INSR: variants seen among roughly 807,000 people sequenced by gnomAD.
The protein encoded by INSR is IR.
In INSR, 67 loss-of-function variants were observed where a neutral mutation model predicts 142.6. That is an observed-to-expected ratio of 0.47 (90% CI 0.39 to 0.58). The LOEUF (loss-of-function observed/expected upper bound fraction) is 0.58. Among genes scored for constraint, INSR ranks in the 20% least tolerant of loss-of-function variants. The pLI is 0.00. For missense variants in INSR, 1,248 were observed against 1,833.2 expected (o/e 0.68, Z 5.83); for synonymous variants, 756 against 743.1 (o/e 1.02, Z -0.28).
intron 2 of INSR, among the ~76,000 whole-genome samples, chr19:7,185,528 G>C (rs1333861900): frequency 6.6e-6 from 1 of 152,096 alleles, no homozygotes; most frequent in Non-Finnish European, 1.5e-5. Context: ...GTCTAATGGA[G>C]GAGACATGTT....
chr19:7,268,212 G>A (rs1478146614), intron 1 of INSR, among the ~76,000 whole-genome samples: 1 of 152,142 alleles, frequency 6.6e-6, no homozygotes, highest in East Asian at 1.9e-4. Context: ...GGCAGGTGCA[G>A]AAGGAGAAAG....
At chr19:7,202,998 T>G (rs201560853) in intron 2 of INSR, among the ~76,000 whole-genome samples, 17 of 45,966 alleles carry the variant, frequency 3.7e-4, no homozygotes, top group East Asian at 6.5e-4. Flanking sequence ...GTTTTGTTGT[T>G]TTTTTTTTTT....
intron 3 of INSR, 35 bp downstream of exon 3, chr19:7,184,281 C>T: frequency 6.3e-7 from 1 of 1,597,392 alleles, no homozygotes; most frequent in Non-Finnish European, 8.6e-7. Flanking sequence ...TCCTTCTCCT[C>T]TCGGCTGCCC....
intron 9 of INSR, among the ~76,000 whole-genome samples, chr19:7,156,926 G>A (rs553818521): frequency 6.6e-6 from 1 of 150,924 alleles, no homozygotes; most frequent in African/African-American, 2.4e-5. Flanking sequence ...CCCGTAACTG[G>A]GATTACAGGC....
chr19:7,195,422 C>T (rs1393002319), intron 2 of INSR, among the ~76,000 whole-genome samples: 1 of 152,034 alleles, frequency 6.6e-6, no homozygotes, highest in Non-Finnish European at 1.5e-5. Context: ...GCAGGAAGAT[C>T]ACTGGAGATC....
chr19:7,178,133 T>C (rs748572448), intron 3 of INSR, among the ~76,000 whole-genome samples: 3 of 151,466 alleles, frequency 2.0e-5, no homozygotes, highest in Admixed American at 6.6e-5. Flanking sequence ...TCATAAAGTA[T>C]GTATCTGGTC....
chr19:7,253,164 T>G (rs1188056299), intron 2 of INSR, among the ~76,000 whole-genome samples: 2 of 151,560 alleles, frequency 1.3e-5, no homozygotes, highest in Non-Finnish European at 2.9e-5. Context: ...ACCCTCTAGG[T>G]AGGTACTTGA....
intron 2 of INSR, among the ~76,000 whole-genome samples, chr19:7,257,422 G>C (rs554723339): frequency 6.7e-6 from 1 of 149,656 alleles, no homozygotes; most frequent in Non-Finnish European, 1.5e-5. Flanking sequence ...GCACGGGTTC[G>C]ATGACTCACT....
chr19:7,120,514 G>C, intron 20 of INSR, 106 bp downstream of exon 20: 3 of 1,371,224 alleles, frequency 2.2e-6, no homozygotes, highest in Non-Finnish European at 2.1e-6. Flanking sequence ...TCCTTTCCTT[G>C]ATGGGGCGTC....
At chr19:7,219,228 G>A (rs1465028738) in intron 2 of INSR, among the ~76,000 whole-genome samples, 2 of 152,120 alleles carry the variant, frequency 1.3e-5, no homozygotes, top group Non-Finnish European at 2.9e-5. Context: ...CTGTTGCAGG[G>A]ACCAGATATA....
chr19:7,252,602 G>A (rs74569625), intron 2 of INSR, among the ~76,000 whole-genome samples: 6,925 of 152,190 alleles, frequency 0.046, 237 homozygotes, highest in Non-Finnish European at 0.072. Flanking sequence ...TTCGCACACC[G>A]CGTGTGGACA....
Position 7,267,584 on chromosome 19 carries a change from T to C in INSR, c.413A>G (p.Asn138Ser). 6.2e-7 allele frequency: 1 copy of C among 1,614,110 alleles called. No homozygotes were observed. Among genetic ancestry groups the C allele is most frequent in the Non-Finnish European group, 8.5e-7 (1 of 1,180,020 alleles). Residue 138 changes from asparagine (N) to serine (S), a missense_variant, in exon 2 of 22, where the codon AAC becomes AGC. Transcript: ENST00000302850. The surrounding 1 kb of genome is among the most constrained non-coding windows in gnomAD (Gnocchi z 6.3). Reference sequence around the variant, plus strand: ...GATGCGGACAGAACCCCGGGTGATGTTCATCAGGTTGTAGAGGCCGAGTTC... The same window carrying C: ...GATGCGGACAGAACCCCGGGTGATGCTCATCAGGTTGTAGAGGCCGAGTTC... ...LKELGLYNLM[N>S]ITRGSVRIEK...
intron 2 of INSR, among the ~76,000 whole-genome samples, chr19:7,249,834 T>A (rs1200343176): frequency 1.3e-5 from 2 of 151,816 alleles, no homozygotes; most frequent in African/African-American, 4.8e-5. Flanking sequence ...CTACTAAAAA[T>A]ACAAAAAATT....
chr19:7,140,943 T>C (rs1973055594), intron 13 of INSR, among the ~76,000 whole-genome samples: 1 of 152,174 alleles, frequency 6.6e-6, no homozygotes, highest in Admixed American at 6.5e-5. Flanking sequence ...TTTGGGTTAT[T>C]TGTCTTGGAT....
intron 9 of INSR, among the ~76,000 whole-genome samples, chr19:7,158,978 C>A (rs1025396446): frequency 1.3e-5 from 2 of 152,120 alleles, no homozygotes; most frequent in African/African-American, 4.8e-5. Flanking sequence ...TCTCGGCTCA[C>A]TGCAACCTCT....
chr19:7,227,521 C>A (rs1975824368), intron 2 of INSR, among the ~76,000 whole-genome samples: 1 of 152,170 alleles, frequency 6.6e-6, no homozygotes, highest in Admixed American at 6.6e-5. Flanking sequence ...GATCCGCTTG[C>A]CTCAGTCTCC....
At chr19:7,163,925 T>A (rs1403896325) in intron 8 of INSR, among the ~76,000 whole-genome samples, 15 of 44,592 alleles carry the variant, frequency 3.4e-4, no homozygotes, top group East Asian at 5.0e-4. Context: ...CTATCTCTAC[T>A]AAAAAAAAAA....
Position 7,124,540 on chromosome 19 carries a change from GGAAAAAAAAAAAAAAAAAAAAAA to G in INSR, c.3258+720_3258+742del, listed in dbSNP as rs1568429329. Among the ~76,000 whole-genome samples the G allele has an allele frequency of 1.4e-3, 15 of 10,810 alleles. 2 individuals are homozygous for G. Among genetic ancestry groups the G allele is most frequent in the African/African-American group, 2.3e-3 (6 of 2,592 alleles). 7.1% of individuals were successfully genotyped at this position (10,810 alleles called of 152,430 possible). On this transcript the variant is annotated intron_variant, in intron 17 of 21. Transcript: ENST00000302850. ...CACAACAAAGCGAGACTCCGTTTCA[GGAAAAAAAAAAAAAAAAAAAAAA>G]AAAAAAAAAAAAAAAAAAAAAAAAA... is the stretch of plus-strand genomic sequence containing the variant.
rs888773608 is a variant in INSR at position 7,168,886 on chromosome 19, G to C, written c.1484-792C>G. 6.6e-6 allele frequency among the ~76,000 whole-genome samples: 1 copy of C among 152,056 alleles called. No homozygotes were observed. The highest frequency in any genetic ancestry group is 1.5e-5 in the Non-Finnish European group (1 of 68,016). ...CCCAGAGTGCTGGGATTCCAGGCGT[G>C]AGCCACCATGCCCAGCCCTTGCACT... On this transcript the variant is annotated intron_variant, in intron 6 of 21. Transcript: ENST00000302850. This position sits in a 1 kb window ranked among gnomAD's most constrained non-coding sequence, Gnocchi z 4.3.
Sources: gnomAD v4.1 joint callset for allele counts (sites outside exome capture counted in the v4.1 genomes callset) on GRCh38, gnomAD v4.1.1 for gene constraint, Gnocchi (gnomAD v3.1) non-coding constraint, MANE v1.5 for transcripts, NCBI Gene and HGNC (gene_info 2026-07-23, HGNC 2026-07-21) for gene names.